PKD1: variants seen among roughly 807,000 people sequenced by gnomAD.
The protein encoded by PKD1 is polycystin-1.
PKD1 carries 81 observed loss-of-function variants against 361.7 expected under a neutral mutation model. The ratio of observed to expected loss-of-function variants is 0.22; its 90% CI spans 0.19 to 0.27. The LOEUF is 0.27. Ranked by LOEUF, PKD1 falls within the 10% of genes least tolerant of loss-of-function variation. PKD1 has a pLI of 1.00. For synonymous variants in PKD1, 3,615 were observed against 2,818.3 expected, an observed-to-expected ratio of 1.28 and a Z score of -8.95; for missense variants, 6,399 against 6,118.3, an observed-to-expected ratio of 1.05 and a Z score of -1.53.
rs780145654 is a variant in PKD1, at chr16:2,106,890, G to A, written c.7124C>T (p.Ala2375Val). Residue 2375 changes from alanine (A) to valine (V), a missense_variant, in exon 17 of 46, where the codon GCA becomes GTA. Physicochemically the swap from Ala to Val is moderately conservative, Grantham distance 64. Coordinates refer to ENST00000262304, the MANE Select transcript of PKD1 (RefSeq NM_001009944.3). The surrounding 1 kb of genome is among the most constrained non-coding windows in gnomAD (Gnocchi z 6.5). ...GCGGCTCACTTCGTACACGGCCTGT[G>A]CCTTGCAGGACACACACTCCAAGGA... ...IVSLECVSCK[A>V]QAVYEVSRSS... is the part of the protein sequence containing the mutation. 3.0e-4 allele frequency: 463 copies of A among 1,558,846 alleles called. 2 individuals are homozygous for A. Among genetic ancestry groups the A allele is most frequent in the Middle Eastern group, 4.6e-4 (2 of 4,364 alleles).
chr16:2,100,559 C>T lies in PKD1; in HGVS notation c.9405G>A (p.Thr3135=), dbSNP rs144910188. Residue 3135 remains threonine (T), a synonymous_variant, in exon 27 of 46, where the codon ACG becomes ACA. Transcript: ENST00000262304. This position sits in a 1 kb window ranked among gnomAD's most constrained non-coding sequence, Gnocchi z 4.4. ...KTGWGRGSGT[T]AHVGIMLYGV... is the part of the protein sequence containing the mutation. Reference sequence around the variant, plus strand: ...CATACAGCATGATGCCCACGTGGGCCGTGGTACCTGGGAGGCAAGAGGGAG... The same window carrying T: ...CATACAGCATGATGCCCACGTGGGCTGTGGTACCTGGGAGGCAAGAGGGAG... 9 of 1,609,594 alleles carry T rather than the reference C, an allele frequency of 5.6e-6. No homozygotes were observed. Among genetic ancestry groups the T allele is most frequent in the Admixed American group, 1.7e-5 (1 of 59,970 alleles).
At chr16:2,102,748 G>C (rs202074173) in intron 24 of PKD1, 66 bp downstream of exon 24, 444 of 1,606,012 alleles carry the variant, frequency 2.8e-4, no homozygotes, top group Non-Finnish European at 3.7e-4. Flanking sequence ...CATGGGGCCA[G>C]TAACCCAGGC....
chr16:2,122,702 C>T (rs1374096986), intron 1 of PKD1, among the ~76,000 whole-genome samples: 2 of 152,228 alleles, frequency 1.3e-5, no homozygotes, highest in Non-Finnish European at 2.9e-5. Flanking sequence ...TGAGGAGGGA[C>T]TTTCCAGCGG....
At position 2,111,501 on chromosome 16, in the gene PKD1, G is replaced by T. The variant is rs369869452; in HGVS notation, c.3666C>A (p.Ala1222=). Residue 1222 remains alanine, a synonymous_variant, in exon 15 of 46, where the codon GCC becomes GCA. Transcript: ENST00000262304. Reference sequence around the variant, plus strand: ...CCACCACGGGGGCGCCCTGCTCCACGGCCAGGCTCATGTCCACGCTGAGTC... The same window carrying T: ...CCACCACGGGGGCGCCCTGCTCCACTGCCAGGCTCATGTCCACGCTGAGTC... ...LRGLSVDMSL[A]VEQGAPVVVS... is the part of the protein sequence containing the mutation. The T allele has an allele frequency of 6.2e-7, 1 of 1,610,786 alleles. No homozygotes were observed. The highest frequency in any genetic ancestry group is 2.2e-5 in the East Asian group (1 of 44,828).
intron 1 of PKD1, among the ~76,000 whole-genome samples, chr16:2,130,461 C>T (rs1213717971): frequency 6.6e-6 from 1 of 152,228 alleles, no homozygotes; most frequent in Non-Finnish European, 1.5e-5. Flanking sequence ...CATCTCTGTC[C>T]TTGGAGAATC....
chr16:2,093,964 G>C lies in PKD1; in HGVS notation c.10668C>G (p.Ser3556=). The change falls in exon 36 of 46, where the codon TCC becomes TCG. Residue 3556 remains serine, a synonymous_variant. Coordinates refer to ENST00000262304, the MANE Select transcript of PKD1 (RefSeq NM_001009944.3). ...RKRLLPAWCA[S]LAHGLSLLLV... Reference sequence around the variant, plus strand: ...GGAGCAGGCTGAGCCCGTGGGCCAGGGAGGCACACCAGGCCGGCAGCAGGC... The same window carrying C: ...GGAGCAGGCTGAGCCCGTGGGCCAGCGAGGCACACCAGGCCGGCAGCAGGC... The C allele has an allele frequency of 1.9e-6, 3 of 1,588,022 alleles. No homozygotes were observed. The South Asian group carries it at 3.4e-5, about 18-fold the overall frequency.
chr16:2,127,625 G>C (rs1465621485), intron 1 of PKD1, among the ~76,000 whole-genome samples: 1 of 151,892 alleles, frequency 6.6e-6, no homozygotes, highest in African/African-American at 2.4e-5. Context: ...TGAGGGAACC[G>C]ACAGAGCTAC....
chr16:2,125,188 G>A (rs890483138), intron 1 of PKD1, among the ~76,000 whole-genome samples: 17 of 152,234 alleles, frequency 1.1e-4, no homozygotes, highest in African/African-American at 4.1e-4. Context: ...ACGGGCTGCA[G>A]TTTGGGACGG....
Position 2,110,492 on chromosome 16 carries a change from C to T in PKD1, c.4675G>A (p.Val1559Met), listed in dbSNP as rs2151796688. 6.2e-7 allele frequency: 1 copy of T among 1,612,442 alleles called. No individual in the cohort carries two copies. Among genetic ancestry groups the T allele is most frequent in the African/African-American group, 1.3e-5 (1 of 75,056 alleles). The change falls in exon 15 of 46, where the codon GTG becomes ATG. Residue 1559 changes from valine to methionine, a missense_variant. By Grantham distance (21) the Val-to-Met change is conservative (BLOSUM62 1). Transcript: ENST00000262304. ...CTCACGCTCCCATTCAGGGGCACCACCGTGCGGCTTGCATTGACGACGAGC... is the reference window on the plus strand; with the variant it reads ...CTCACGCTCCCATTCAGGGGCACCATCGTGCGGCTTGCATTGACGACGAGC... ...RGLVVNASRT[V>M]VPLNGSVSFS...
rs1316180027 is a variant in PKD1 at position 2,090,170 on chromosome 16, C to A, written c.12469G>T (p.Gly4157Trp). 6.2e-7 allele frequency: 1 copy of A among 1,601,116 alleles called. No homozygotes were observed. Among genetic ancestry groups the A allele is most frequent in the Non-Finnish European group, 8.5e-7 (1 of 1,173,944 alleles). The change falls in exon 46 of 46, where the codon GGG becomes TGG. Residue 4157 changes from glycine to tryptophan, a missense_variant. Coordinates refer to ENST00000262304, the MANE Select transcript of PKD1 (RefSeq NM_001009944.3). ...GAGCGAGAGGGCAGCGGCTCCATCCCTTCAAAGCGGACTTTGTGGCGGAAC... is the reference window on the plus strand; with the variant it reads ...GAGCGAGAGGGCAGCGGCTCCATCCATTCAAAGCGGACTTTGTGGCGGAAC... Reference protein sequence around the residue: ...KEFRHKVRFEGMEPLPSRSSR... With the variant: ...KEFRHKVRFEWMEPLPSRSSR...
Position 2,091,776 on chromosome 16 carries a change from C to G in PKD1, c.11537+5G>C, listed in dbSNP as rs551733361. 3 of 1,608,326 alleles carry G rather than the reference C, an allele frequency of 1.9e-6. No individual in the cohort carries two copies. In the Admixed American group the frequency reaches 5.0e-5, roughly 27 times the overall value. On this transcript the variant is annotated splice_donor_5th_base_variant and intron_variant, in intron 41 of 45. Transcript: ENST00000262304. ...CCCGGAGAGGGCAGGGGAGGGAGCT[C>G]CCACCTGTTGTCCAGCCAGTTGTGC...
rs746058700 is a variant in PKD1, at chr16:2,110,056, C to T, written c.5111G>A (p.Gly1704Asp). 41 of 1,610,100 alleles carry T rather than the reference C, an allele frequency of 2.5e-5. No homozygotes were observed. Among genetic ancestry groups the T allele is most frequent in the Non-Finnish European group, 3.3e-5 (39 of 1,179,568 alleles). The change falls in exon 15 of 46, where the codon GGC becomes GAC. Residue 1704 changes from glycine to aspartate, a missense_variant. Transcript: ENST00000262304. ...HVQLRATNML[G>D]SAWADCTMDF... ...CATGGTGCAGTCGGCCCAGGCGCTG[C>T]CCAGCATGTTGGTGGCCCGCAGCTG...
intron 1 of PKD1, 166 bp downstream of exon 1, chr16:2,135,309 A>C (rs2092937600): frequency 1.0e-6 from 1 of 985,018 alleles, no homozygotes. Context: ...GGCCGTGCCA[A>C]CCGCGGCTCC....
intron 38 of PKD1, 154 bp from the exon 39 acceptor site, chr16:2,092,746 C>T (rs1188159606): frequency 1.2e-6 from 1 of 830,690 alleles, no homozygotes; most frequent in Non-Finnish European, 2.0e-6. Context: ...TGTTCTGGGG[C>T]AGACAGTTGT....
Position 2,100,007 on chromosome 16 carries a change from G to C in PKD1, c.9777C>G (p.Asp3259Glu), listed in dbSNP as rs1424341066. 3 of 1,570,478 alleles carry C rather than the reference G, an allele frequency of 1.9e-6. No homozygotes were observed. The highest frequency in any genetic ancestry group is 2.6e-6 in the Non-Finnish European group (3 of 1,159,528). ...CCCATATGGAGAGCCAGATGTGCTT[G>C]TCAAAGAAGCCACGCTGCAGCTCAG... ...LVAELQRGFF[D>E]KHIWLSIWDR... Residue 3259 changes from aspartate to glutamate, a missense_variant, in exon 29 of 46, where the codon GAC (aspartate) becomes GAG (glutamate). Transcript: ENST00000262304. This position sits in a 1 kb window ranked among gnomAD's most constrained non-coding sequence, Gnocchi z 4.4.
At chr16:2,130,257 C>T (rs968003020) in intron 1 of PKD1, among the ~76,000 whole-genome samples, 1 of 152,170 alleles carries the variant, frequency 6.6e-6, no homozygotes, top group African/African-American at 2.4e-5. Context: ...CCACTGCCTC[C>T]GCTCGGCTGC....
chr16:2,092,470 G>A lies in PKD1; in HGVS notation c.11269+10C>T. The A allele has an allele frequency of 1.3e-6, 2 of 1,565,052 alleles. No homozygotes were observed. The highest frequency in any genetic ancestry group is 2.2e-5 in the East Asian group (1 of 44,646). ...CGATTTAAGTCTTGGGGCACGCCCT[G>A]CCAGCTCACCTTCCTGCAGCCGCAC... On this transcript the variant is annotated intron_variant, in intron 39 of 45. Transcript: ENST00000262304.
Position 2,118,522 on chromosome 16 carries a change from C to G in PKD1, c.530-60G>C, listed in dbSNP as rs930919886. 1.4e-6 allele frequency: 2 copies of G among 1,412,200 alleles called. No individual in the cohort carries two copies. The highest frequency in any genetic ancestry group is 1.9e-6 in the Non-Finnish European group (2 of 1,035,098). 87.5% of individuals were successfully genotyped at this position (1,412,200 alleles called of 1,614,324 possible). Reference sequence around the variant, plus strand: ...TCCTCCTGGCTCCACCCCACGCCCCCACATCCGCCCGCCGCACTCACAGGC... The same window carrying G: ...TCCTCCTGGCTCCACCCCACGCCCCGACATCCGCCCGCCGCACTCACAGGC... On this transcript the variant is annotated intron_variant, in intron 4 of 45. Transcript: ENST00000262304. This position sits in a 1 kb window ranked among gnomAD's most constrained non-coding sequence, Gnocchi z 6.0.
At chr16:2,102,680 T>C in intron 24 of PKD1, 47 bp from the exon 25 acceptor site, 1 of 1,610,348 alleles carries the variant, frequency 6.2e-7, no homozygotes, top group Non-Finnish European at 8.5e-7. Context: ...TCCGCCAGGT[T>C]GGATGTCGCA....
Sources: allele counts gnomAD v4.1 joint callset (sites outside exome capture counted in the v4.1 genomes callset), GRCh38; gene constraint gnomAD v4.1.1; non-coding constraint Gnocchi (gnomAD v3.1); transcripts MANE v1.5; gene names NCBI Gene and HGNC (gene_info 2026-07-23, HGNC 2026-07-21).